NTNG1: variants seen among roughly 807,000 people sequenced by gnomAD.
The protein encoded by NTNG1 is netrin G1.
A neutral mutation model predicts 54.0 loss-of-function variants in NTNG1; 16 were observed. The observed-to-expected ratio is 0.30, with a 90% CI of 0.20 to 0.45. The LOEUF (loss-of-function observed/expected upper bound fraction) is 0.45, where lower values mean the gene tolerates loss of function less well. Ranked by LOEUF, NTNG1 falls within the 20% of genes least tolerant of loss-of-function variation. The pLI, the probability that NTNG1 is intolerant of heterozygous loss-of-function variation, is 1.00. For synonymous variants in NTNG1, 255 were observed against 263.1 expected, an observed-to-expected ratio of 0.97 and a Z score of 0.30; for missense variants, 530 against 678.7, an observed-to-expected ratio of 0.78 and a Z score of 2.43.
At chr1:107,407,951 G>A in intron 5 of NTNG1, 1 of 701,268 alleles carries the variant, frequency 1.4e-6, no homozygotes, top group South Asian at 1.4e-5. Context: ...CTCTTAACCA[G>A]TGAGGGCTAC....
intron 7 of NTNG1, among the ~76,000 whole-genome samples, chr1:107,461,307 C>T (rs1478342033): frequency 1.3e-5 from 2 of 151,998 alleles, no homozygotes; most frequent in Non-Finnish European, 2.9e-5. Context: ...TTAAGGAGAC[C>T]CCACCATGGA....
intron 2 of NTNG1, among the ~76,000 whole-genome samples, chr1:107,256,524 G>A (rs1662943819): frequency 6.6e-6 from 1 of 152,222 alleles, no homozygotes; most frequent in African/African-American, 2.4e-5. Context: ...AACATAAAGA[G>A]TATTCGAAGT....
intron 4 of NTNG1, among the ~76,000 whole-genome samples, chr1:107,399,577 C>T (rs562660329): frequency 6.6e-6 from 1 of 152,104 alleles, no homozygotes. Flanking sequence ...TGTCCTTATC[C>T]AGACAATTTC....
chr1:107,429,320 T>C (rs1187684935), intron 5 of NTNG1, among the ~76,000 whole-genome samples: 1 of 152,170 alleles, frequency 6.6e-6, no homozygotes, highest in Non-Finnish European at 1.5e-5. Context: ...CAAATGAATA[T>C]GAACTTTTCT....
At chr1:107,339,439 T>C (rs1380273806) in intron 3 of NTNG1, among the ~76,000 whole-genome samples, 1 of 152,104 alleles carries the variant, frequency 6.6e-6, no homozygotes, top group Non-Finnish European at 1.5e-5. Flanking sequence ...TAACATACAC[T>C]TAAATGAAAA....
At chr1:107,179,362 C>T (rs772131346) in intron 2 of NTNG1, among the ~76,000 whole-genome samples, 2 of 152,146 alleles carry the variant, frequency 1.3e-5, no homozygotes, top group African/African-American at 2.4e-5. Flanking sequence ...ATCCTAGAAA[C>T]TGAAGCATCT....
chr1:107,202,448 C>T (rs1048436392), intron 2 of NTNG1, among the ~76,000 whole-genome samples: 1 of 151,838 alleles, frequency 6.6e-6, no homozygotes, highest in African/African-American at 2.4e-5. Flanking sequence ...TGTGTAATAG[C>T]ACAGTGAATG....
At chr1:107,452,504 G>T (rs1676688117) in intron 7 of NTNG1, among the ~76,000 whole-genome samples, 1 of 152,150 alleles carries the variant, frequency 6.6e-6, no homozygotes, top group Admixed American at 6.6e-5. Context: ...GGTAGTATTG[G>T]GAAGTGGGGC....
chr1:107,272,887 C>T (rs1345501398), intron 2 of NTNG1, among the ~76,000 whole-genome samples: 3 of 152,154 alleles, frequency 2.0e-5, no homozygotes, highest in Non-Finnish European at 4.4e-5. Flanking sequence ...GCCCTGAAGT[C>T]GGAAGCACTT....
chr1:107,335,486 C>G (rs186135448), intron 3 of NTNG1, among the ~76,000 whole-genome samples: 115 of 151,848 alleles, frequency 7.6e-4, no homozygotes, highest in Middle Eastern at 3.4e-3. Flanking sequence ...GAACATATGT[C>G]TTTATGAAAA....
At chr1:107,277,976 G>A (rs1664590581) in intron 2 of NTNG1, among the ~76,000 whole-genome samples, 1 of 152,136 alleles carries the variant, frequency 6.6e-6, no homozygotes, top group Non-Finnish European at 1.5e-5. Context: ...AATGATTCAA[G>A]ATAATATATG....
chr1:107,180,320 C>T (rs1656974463), intron 2 of NTNG1, among the ~76,000 whole-genome samples: 1 of 151,896 alleles, frequency 6.6e-6, no homozygotes, highest in Non-Finnish European at 1.5e-5. Flanking sequence ...TCAATATGAA[C>T]CTTGGATGAT....
At chr1:107,283,961 G>C (rs1665030099) in intron 2 of NTNG1, among the ~76,000 whole-genome samples, 1 of 152,074 alleles carries the variant, frequency 6.6e-6, no homozygotes, top group Admixed American at 6.6e-5. Flanking sequence ...ATCTTCTACA[G>C]CTCAGTTCAA....
intron 3 of NTNG1, among the ~76,000 whole-genome samples, chr1:107,389,298 A>G (rs1672215481): frequency 1.3e-5 from 2 of 152,164 alleles, no homozygotes; most frequent in South Asian, 4.1e-4. Flanking sequence ...ACAAAGGGAC[A>G]TTTTTTTAAT....
At chr1:107,375,085 T>G (rs1671149895) in intron 3 of NTNG1, among the ~76,000 whole-genome samples, 1 of 152,206 alleles carries the variant, frequency 6.6e-6, no homozygotes, top group Non-Finnish European at 1.5e-5. Flanking sequence ...TTTCCCTGCC[T>G]TCATGTAGTT....
At chr1:107,382,339 A>G (rs1671702052) in intron 3 of NTNG1, among the ~76,000 whole-genome samples, 1 of 152,178 alleles carries the variant, frequency 6.6e-6, no homozygotes, top group Admixed American at 6.5e-5. Flanking sequence ...GCCCAGCCCA[A>G]CTAGTGAATC....
intron 2 of NTNG1, among the ~76,000 whole-genome samples, chr1:107,159,826 C>T (rs1255946906): frequency 3.9e-5 from 6 of 152,140 alleles, no homozygotes; most frequent in African/African-American, 4.8e-5. Flanking sequence ...ATACATATTA[C>T]GTGATGAGTG....
rs145195362 is a variant in NTNG1 at position 107,466,009 on chromosome 1, A to C, written c.1391-14602A>C. Among the ~76,000 whole-genome samples, 279 of 152,264 alleles carry C rather than the reference A, an allele frequency of 1.8e-3. 1 individual carries two copies. Among genetic ancestry groups the C allele is most frequent in the South Asian group, 0.012 (57 of 4,822 alleles). ...CAGTAAGTATATGATCCAGGAGTAG[A>C]CATTTCATGTTGTGGAGTAAAAGCA... On this transcript the variant is annotated intron_variant, in intron 7 of 7. Transcript: ENST00000370068.
intron 2 of NTNG1, among the ~76,000 whole-genome samples, chr1:107,287,437 A>G (rs995034713): frequency 6.6e-6 from 1 of 152,176 alleles, no homozygotes; most frequent in African/African-American, 2.4e-5. Flanking sequence ...CTTGGCATGC[A>G]TGCCGGAAAT....
Sources: gnomAD v4.1 joint callset for allele counts (sites outside exome capture counted in the v4.1 genomes callset) on GRCh38, gnomAD v4.1.1 for gene constraint, MANE v1.5 for transcripts, NCBI Gene and HGNC (gene_info 2026-07-23, HGNC 2026-07-21) for gene names.